Variants in PPP3CA observed in about 807,000 individuals in gnomAD.
PPP3CA encodes CAM-PRP catalytic subunit.
A neutral mutation model predicts 66.5 loss-of-function variants in PPP3CA; 14 were observed. That is an observed-to-expected ratio of 0.21 (90% confidence interval 0.14 to 0.33). The LOEUF (loss-of-function observed/expected upper bound fraction) is 0.33, where lower values mean the gene tolerates loss of function less well. Ranked by LOEUF, PPP3CA falls within the 10% of genes least tolerant of loss-of-function variation. The pLI, the probability that PPP3CA is intolerant of heterozygous loss-of-function variation, is 1.00. For missense variants in PPP3CA, 317 were observed against 639.5 expected (o/e 0.50, Z 5.44); for synonymous variants, 232 against 226.2 (o/e 1.03, Z -0.23).
At chr4:101,164,022 C>A (rs1227147269) in intron 2 of PPP3CA, among the ~76,000 whole-genome samples, 1 of 17,802 alleles carries the variant, frequency 5.6e-5, no homozygotes, top group African/African-American at 3.7e-4. Flanking sequence ...GCTCTGTCAC[C>A]CAGGCTGGAG....
At chr4:101,267,452 G>A (rs1186821243) in intron 1 of PPP3CA, among the ~76,000 whole-genome samples, 2 of 152,138 alleles carry the variant, frequency 1.3e-5, no homozygotes, top group Non-Finnish European at 1.5e-5. Context: ...ATTATTTAGT[G>A]TGAAAGACAA....
intron 1 of PPP3CA, among the ~76,000 whole-genome samples, chr4:101,301,966 TA>T (rs1207895913): frequency 1.3e-5 from 2 of 151,904 alleles, no homozygotes; most frequent in Non-Finnish European, 2.9e-5. Flanking sequence ...GTTTATAGAA[TA>T]TCCTAAAGAA....
intron 1 of PPP3CA, among the ~76,000 whole-genome samples, chr4:101,219,215 T>A (rs923657378): frequency 6.6e-6 from 1 of 152,064 alleles, no homozygotes; most frequent in East Asian, 1.9e-4. Context: ...CTGGAAAGTA[T>A]ACTATGTATA....
chr4:101,088,120 G>GTC lies in PPP3CA; in HGVS notation c.783-4859_783-4858dup, dbSNP rs529385850. On this transcript the variant is annotated intron_variant, in intron 6 of 13. Coordinates refer to ENST00000394854, the MANE Select transcript of PPP3CA (RefSeq NM_000944.5). ...CCCAACACACTCACTCAGATTGTCT[G>GTC]TCTCTCTCTCCCCCTCCCCACCAAC... Among the ~76,000 whole-genome samples, 17 of 152,092 alleles carry GTC rather than the reference G, an allele frequency of 1.1e-4. 1 individual carries two copies. The South Asian group carries it at 2.1e-3, about 19-fold the overall frequency.
intron 8 of PPP3CA, among the ~76,000 whole-genome samples, chr4:101,064,170 A>C (rs10018451): frequency 0.064 from 9,677 of 152,042 alleles, 354 homozygotes; most frequent in African/African-American, 0.093. Context: ...TCAGGAAGAC[A>C]AATCTGCATG....
At chr4:101,141,365 A>C (rs148852346) in intron 2 of PPP3CA, among the ~76,000 whole-genome samples, 133 of 152,208 alleles carry the variant, frequency 8.7e-4, no homozygotes, top group Middle Eastern at 6.8e-3. Context: ...GAGAGACACT[A>C]TCTCAAAAAA....
intron 2 of PPP3CA, among the ~76,000 whole-genome samples, chr4:101,173,376 A>G (rs1245643919): frequency 1.4e-5 from 2 of 143,596 alleles, no homozygotes; most frequent in African/African-American, 5.9e-5. Context: ...AGTGCTAAGG[A>G]AAAAAAAAGA....
At chr4:101,130,149 C>G (rs1722383357) in intron 2 of PPP3CA, among the ~76,000 whole-genome samples, 1 of 151,650 alleles carries the variant, frequency 6.6e-6, no homozygotes, top group South Asian at 2.1e-4. Context: ...GAAAGGATAT[C>G]AGAGATAGAA....
At chr4:101,050,833 T>C (rs1292930485) in intron 10 of PPP3CA, among the ~76,000 whole-genome samples, 1 of 152,208 alleles carries the variant, frequency 6.6e-6, no homozygotes, top group Non-Finnish European at 1.5e-5. Context: ...TGTAAAATGC[T>C]TGGTATTATT....
chr4:101,050,504 T>G (rs1297892670), intron 10 of PPP3CA, among the ~76,000 whole-genome samples: 3 of 152,180 alleles, frequency 2.0e-5, no homozygotes, highest in Non-Finnish European at 4.4e-5. Context: ...TCACTTTCCT[T>G]ATCTATAAAG....
At chr4:101,324,130 G>A (rs1460094920) in intron 1 of PPP3CA, among the ~76,000 whole-genome samples, 243 of 127,366 alleles carry the variant, frequency 1.9e-3, no homozygotes, top group African/African-American at 8.2e-3. Context: ...AAGAAAGGAA[G>A]GGAAGGAAGG....
At chr4:101,204,810 A>G (rs1725081393) in intron 1 of PPP3CA, among the ~76,000 whole-genome samples, 1 of 151,760 alleles carries the variant, frequency 6.6e-6, no homozygotes, top group African/African-American at 2.4e-5. Flanking sequence ...TAAATATTAA[A>G]TGTCTTAATT....
chr4:101,127,347 A>G (rs2110279361), intron 2 of PPP3CA, among the ~76,000 whole-genome samples: 1 of 152,208 alleles, frequency 6.6e-6, no homozygotes, highest in Admixed American at 6.5e-5. Flanking sequence ...ATACTTAGAA[A>G]TAGGATCTTT....
At chr4:101,289,593 T>C (rs1436615676) in intron 1 of PPP3CA, among the ~76,000 whole-genome samples, 2 of 152,218 alleles carry the variant, frequency 1.3e-5, no homozygotes, top group Non-Finnish European at 2.9e-5. Flanking sequence ...ATTTCATGAT[T>C]AATTATCAGG....
chr4:101,085,881 G>A (rs28567730), intron 6 of PPP3CA, among the ~76,000 whole-genome samples: 11,922 of 151,590 alleles, frequency 0.079, 594 homozygotes, highest in Non-Finnish European at 0.11. Context: ...GAGAAAGAGC[G>A]AGAGAGAGAG....
At chr4:101,296,815 G>A (rs1022928558) in intron 1 of PPP3CA, among the ~76,000 whole-genome samples, 2 of 152,098 alleles carry the variant, frequency 1.3e-5, no homozygotes, top group Admixed American at 1.3e-4. Context: ...TAAAAGTTAG[G>A]AGACTCAAGA....
chr4:101,292,850 T>C (rs537532141), intron 1 of PPP3CA, among the ~76,000 whole-genome samples: 8 of 152,348 alleles, frequency 5.3e-5, no homozygotes, highest in Non-Finnish European at 8.8e-5. Flanking sequence ...TTTTCTCATA[T>C]GGTGAATATT....
intron 12 of PPP3CA, among the ~76,000 whole-genome samples, 169 bp from the exon 13 acceptor site, chr4:101,029,364 A>G (rs1041795221): frequency 1.9e-4 from 20 of 104,376 alleles, no homozygotes; most frequent in African/African-American, 5.9e-4. Flanking sequence ...AAAAAAAAAA[A>G]AAAAAAAAGA....
At chr4:101,144,388 G>T (rs895167001) in intron 2 of PPP3CA, among the ~76,000 whole-genome samples, 1 of 152,012 alleles carries the variant, frequency 6.6e-6, no homozygotes, top group Admixed American at 6.6e-5. Flanking sequence ...AAATAGTATT[G>T]CAAATATATC....
Sources: allele counts gnomAD v4.1 joint callset (sites outside exome capture counted in the v4.1 genomes callset), GRCh38; gene constraint gnomAD v4.1.1; transcripts MANE v1.5; gene names NCBI Gene and HGNC (gene_info 2026-07-23, HGNC 2026-07-21).